Variants in DSCAM observed in about 807,000 individuals in gnomAD.
The protein encoded by DSCAM is DS cell adhesion molecule.
DSCAM carries 47 observed loss-of-function variants against 217.7 expected under a neutral mutation model. The ratio of observed to expected loss-of-function variants is 0.22; its 90% CI spans 0.17 to 0.28. The LOEUF (loss-of-function observed/expected upper bound fraction) is 0.28. DSCAM is among the 10% of genes least tolerant of loss of function. The probability of loss-of-function intolerance (pLI) is 1.00; values close to 1 mark genes in which losing one functional copy is unlikely to be tolerated. For synonymous variants in DSCAM, 1,056 were observed against 1,015.3 expected (o/e 1.04, Z -0.76); for missense variants, 2,080 against 2,618.3 (o/e 0.79, Z 4.49).
intron 3 of DSCAM, among the ~76,000 whole-genome samples, chr21:40,475,571 G>A (rs374499405): frequency 1.6e-4 from 24 of 152,306 alleles, no homozygotes; most frequent in African/African-American, 3.4e-4. Context: ...CAGCCTGGCC[G>A]GGCGCAGTGG....
intron 1 of DSCAM, among the ~76,000 whole-genome samples, chr21:40,770,063 AT>A (rs911923952): frequency 6.6e-5 from 10 of 151,208 alleles, no homozygotes; most frequent in African/African-American, 1.5e-4. Context: ...ATCAAAGGTC[AT>A]TTTTTTTTCT....
intron 24 of DSCAM, among the ~76,000 whole-genome samples, chr21:40,082,529 T>A (rs1362167329): frequency 1.8e-5 from 2 of 109,656 alleles, no homozygotes; most frequent in Non-Finnish European, 3.8e-5. Context: ...GTGCTGTGCA[T>A]CTGCAGCTGG....
chr21:40,493,829 C>A (rs2146018518), intron 3 of DSCAM, among the ~76,000 whole-genome samples: 1 of 145,018 alleles, frequency 6.9e-6, no homozygotes, highest in South Asian at 2.2e-4. Flanking sequence ...TGCCATTGCA[C>A]TCCAGCTTGG....
chr21:40,818,151 C>T (rs1018621311), intron 1 of DSCAM, among the ~76,000 whole-genome samples: 11 of 146,996 alleles, frequency 7.5e-5, no homozygotes, highest in African/African-American at 2.5e-4. Flanking sequence ...GATGAAAGCT[C>T]CTTGGGCCTC....
At chr21:40,808,811 C>G (rs1384502974) in intron 1 of DSCAM, among the ~76,000 whole-genome samples, 1 of 152,124 alleles carries the variant, frequency 6.6e-6, no homozygotes, top group Non-Finnish European at 1.5e-5. Context: ...TTGGAGATTA[C>G]ACATGGACCT....
At chr21:40,677,608 C>T (rs1442374386) in intron 3 of DSCAM, among the ~76,000 whole-genome samples, 1 of 152,040 alleles carries the variant, frequency 6.6e-6, no homozygotes, top group Non-Finnish European at 1.5e-5. Context: ...ATATGTATAT[C>T]GACTGAAGAT....
chr21:40,730,594 G>A (rs767819364), intron 1 of DSCAM, among the ~76,000 whole-genome samples: 18 of 152,028 alleles, frequency 1.2e-4, no homozygotes, highest in Non-Finnish European at 2.1e-4. Context: ...ATCTATCAAG[G>A]ATGCCCCAGG....
At chr21:40,416,083 T>C (rs2123806078) in intron 3 of DSCAM, among the ~76,000 whole-genome samples, 1 of 152,306 alleles carries the variant, frequency 6.6e-6, no homozygotes. Context: ...CCTGCACACT[T>C]GGACATGATG....
chr21:40,146,405 G>A (rs1407842150), intron 16 of DSCAM, among the ~76,000 whole-genome samples: 2 of 152,116 alleles, frequency 1.3e-5, no homozygotes, highest in Admixed American at 6.5e-5. Context: ...CCTGCCAAAT[G>A]TGACCGGGGG....
intron 1 of DSCAM, among the ~76,000 whole-genome samples, chr21:40,711,187 G>C (rs527877804): frequency 6.6e-6 from 1 of 152,248 alleles, no homozygotes; most frequent in South Asian, 2.1e-4. Context: ...ATTACAGGCA[G>C]CTCTGTATAG....
At chr21:40,232,575 G>A (rs1254436768) in intron 11 of DSCAM, among the ~76,000 whole-genome samples, 2 of 152,138 alleles carry the variant, frequency 1.3e-5, no homozygotes, top group African/African-American at 4.8e-5. Flanking sequence ...GACATTTCAT[G>A]TTTTCTCAGT....
intron 4 of DSCAM, among the ~76,000 whole-genome samples, chr21:40,359,148 C>G (rs573418035): frequency 1.3e-5 from 2 of 152,262 alleles, no homozygotes; most frequent in Admixed American, 6.5e-5. Flanking sequence ...ATATGGGGAC[C>G]TGGAATCTTC....
intron 3 of DSCAM, among the ~76,000 whole-genome samples, chr21:40,590,106 C>T (rs923910070): frequency 6.6e-6 from 1 of 152,178 alleles, no homozygotes; most frequent in Admixed American, 6.5e-5. Flanking sequence ...GAATATGAAT[C>T]TCCAATGTAA....
intron 14 of DSCAM, among the ~76,000 whole-genome samples, chr21:40,181,957 C>G (rs2090807744): frequency 6.6e-6 from 1 of 151,912 alleles, no homozygotes; most frequent in Non-Finnish European, 1.5e-5. Context: ...TTCAGAGTCC[C>G]ACTGCAGCCT....
intron 8 of DSCAM, among the ~76,000 whole-genome samples, chr21:40,331,405 C>T (rs757791808): frequency 6.6e-6 from 1 of 152,146 alleles, no homozygotes; most frequent in Non-Finnish European, 1.5e-5. Context: ...CCGCTCACCT[C>T]GAGTGGAAGG....
At chr21:40,257,084 T>A (rs550373655) in intron 11 of DSCAM, among the ~76,000 whole-genome samples, 28 of 152,226 alleles carry the variant, frequency 1.8e-4, no homozygotes, top group Non-Finnish European at 4.0e-4. Flanking sequence ...CAATGTATCA[T>A]ATGTTATATG....
intron 3 of DSCAM, among the ~76,000 whole-genome samples, chr21:40,452,359 A>C (rs1430962998): frequency 6.6e-6 from 1 of 152,096 alleles, no homozygotes; most frequent in Non-Finnish European, 1.5e-5. Context: ...TGATTTCTGA[A>C]CAATTACACC....
intron 28 of DSCAM, among the ~76,000 whole-genome samples, chr21:40,060,877 C>A (rs2089107335): frequency 6.6e-6 from 1 of 152,096 alleles, no homozygotes; most frequent in East Asian, 1.9e-4. Context: ...TTTATCAGAT[C>A]TGCTTAACAC....
At chr21:40,487,751 C>G (rs1013574724) in intron 3 of DSCAM, among the ~76,000 whole-genome samples, 5 of 152,062 alleles carry the variant, frequency 3.3e-5, no homozygotes, top group African/African-American at 1.2e-4. Flanking sequence ...CTAGAGAGAA[C>G]CTATGAAGCT....
Sources: allele counts gnomAD v4.1 joint callset (sites outside exome capture counted in the v4.1 genomes callset), GRCh38; gene constraint gnomAD v4.1.1; transcripts MANE v1.5; gene names NCBI Gene and HGNC (gene_info 2026-07-23, HGNC 2026-07-21).